Variants in ZNF257 observed in about 807,000 individuals in gnomAD.
ZNF257 encodes the protein zinc finger protein 257.
In ZNF257, 12 loss-of-function variants were observed where a neutral mutation model predicts 11.9. The ratio of observed to expected loss-of-function variants is 1.01; its 90% CI spans 0.65 to 1.63. ZNF257 has a LOEUF of 1.63. Among genes scored for constraint, ZNF257 ranks in the 40% most tolerant of loss-of-function variants. ZNF257 has a pLI of 0.00. For synonymous variants in ZNF257, 183 were observed against 222.7 expected (o/e 0.82, Z 1.59); for missense variants, 580 against 665.5 (o/e 0.87, Z 1.41).
intron 1 of ZNF257, among the ~76,000 whole-genome samples, chr19:22,055,676 ATC>A (rs1273664122): frequency 6.6e-6 from 1 of 152,154 alleles, no homozygotes; most frequent in East Asian, 1.9e-4. Context: ...GGGTGGGAGA[ATC>A]TCTCAAGCGA....
chr19:22,078,013 G>A lies in ZNF257; in HGVS notation c.226+4449G>A, dbSNP rs548048333. On this transcript the variant is annotated intron_variant, in intron 3 of 3. Coordinates refer to ENST00000594947, the MANE Select transcript of ZNF257 (RefSeq NM_033468.4). ...CTAGCACTTTGGGAGGCCAAGGTGG[G>A]CGGATCACAAGGGCAGGAGTTTGAG... Among the ~76,000 whole-genome samples the A allele has an allele frequency of 2.6e-5, 4 of 151,806 alleles. No individual in the cohort carries two copies. The East Asian group carries it at 7.8e-4, about 30-fold the overall frequency.
intron 3 of ZNF257, among the ~76,000 whole-genome samples, chr19:22,077,906 T>G (rs1302888141): frequency 6.6e-6 from 1 of 152,030 alleles, no homozygotes; most frequent in African/African-American, 2.4e-5. Flanking sequence ...TCATTTTCAC[T>G]GCATCATCAA....
At chr19:22,064,731 GT>G (rs2021895439) in intron 1 of ZNF257, among the ~76,000 whole-genome samples, 1 of 152,158 alleles carries the variant, frequency 6.6e-6, no homozygotes, top group Non-Finnish European at 1.5e-5. Context: ...TATGTGTAGT[GT>G]TTGTAGGCAA....
intron 1 of ZNF257, among the ~76,000 whole-genome samples, chr19:22,071,341 G>A (rs568244616): frequency 4.6e-5 from 7 of 152,246 alleles, no homozygotes; most frequent in Admixed American, 4.6e-4. Context: ...TGCAGGTCTT[G>A]GTCCTGCCAG....
chr19:22,059,090 C>T (rs1057195280), intron 1 of ZNF257, among the ~76,000 whole-genome samples: 1 of 152,198 alleles, frequency 6.6e-6, no homozygotes. Context: ...ATCTGTAGCA[C>T]AAACCAGTCC....
intron 3 of ZNF257, 52 bp from the exon 4 acceptor site, chr19:22,087,922 AAAT>A: frequency 7.0e-7 from 1 of 1,425,506 alleles, no homozygotes; most frequent in Non-Finnish European, 9.2e-7. Flanking sequence ...GATTTGTAAA[AAAT>A]ATTTACCTGA....
chr19:22,064,591 G>A (rs1346100233), intron 1 of ZNF257, among the ~76,000 whole-genome samples: 1 of 152,096 alleles, frequency 6.6e-6, no homozygotes, highest in Non-Finnish European at 1.5e-5. Flanking sequence ...ATTGTCCAAG[G>A]TGATTATCTA....
At chr19:22,080,360 C>T (rs1304594878) in intron 3 of ZNF257, among the ~76,000 whole-genome samples, 1 of 152,106 alleles carries the variant, frequency 6.6e-6, no homozygotes, top group Non-Finnish European at 1.5e-5. Context: ...GGGTTGGCAC[C>T]ATCCTCTTTG....
intron 1 of ZNF257, among the ~76,000 whole-genome samples, chr19:22,061,090 C>G (rs772172990): frequency 8.8e-5 from 13 of 147,548 alleles, no homozygotes; most frequent in African/African-American, 1.3e-4. Flanking sequence ...GTAGGATTGC[C>G]TTGGCTATTT....
chr19:22,061,448 G>T (rs1321516282), intron 1 of ZNF257, among the ~76,000 whole-genome samples: 1 of 152,102 alleles, frequency 6.6e-6, no homozygotes, highest in Non-Finnish European at 1.5e-5. Context: ...AGATATTGTT[G>T]ATGTACATGG....
chr19:22,060,502 T>C (rs75458495), intron 1 of ZNF257: 18 of 133,488 alleles, frequency 1.3e-4, no homozygotes, highest in South Asian at 7.0e-4. Flanking sequence ...TTTTTTTTTT[T>C]CCGAGATGGA....
chr19:22,084,522 G>A (rs10426159), intron 3 of ZNF257, among the ~76,000 whole-genome samples: 36,041 of 151,362 alleles, frequency 0.24, 5,897 homozygotes, highest in African/African-American at 0.46. Context: ...TTTTTCAAAA[G>A]TGCAATGAGA....
In ZNF257 at chr19:22,066,055, A is replaced by G. The variant is rs1207513202; in HGVS notation, c.4-6754A>G. The stretch of plus-strand genomic sequence containing the variant: ...TTTTCTGGCTATTTCGATAAATCTT[A>G]TGTCTAATTTGAGTTTTTCTTAAGA... On this transcript the variant is annotated intron_variant, in intron 1 of 3. Transcript: ENST00000594947. The G allele has an allele frequency of 2.0e-5, 3 of 152,260 alleles. No homozygotes were observed. In the East Asian group the frequency reaches 5.8e-4, roughly 29 times the overall value. The allele number at this position is 152,260 out of a possible 1,614,324, so 9.4% of individuals were successfully genotyped here. A position where few individuals can be genotyped will look rare whatever the true frequency, so the allele number is the denominator to read the frequency against.
intron 1 of ZNF257, chr19:22,060,513 G>A (rs1599660181): frequency 1.4e-5 from 2 of 145,226 alleles, no homozygotes; most frequent in African/African-American, 5.2e-5. Flanking sequence ...CCGAGATGGA[G>A]TCTTGCTCTG....
chr19:22,084,140 CA>C (rs373804336), intron 3 of ZNF257, among the ~76,000 whole-genome samples: 270 of 121,764 alleles, frequency 2.2e-3, no homozygotes, highest in Middle Eastern at 4.7e-3. Flanking sequence ...GACTTCATCT[CA>C]AAAAAAAAAA....
intron 1 of ZNF257, among the ~76,000 whole-genome samples, chr19:22,062,721 A>G (rs1303936237): frequency 6.6e-6 from 1 of 152,068 alleles, no homozygotes; most frequent in Non-Finnish European, 1.5e-5. Flanking sequence ...ACCTCAGGTG[A>G]GCTGCCCGCC....
intron 3 of ZNF257, among the ~76,000 whole-genome samples, chr19:22,085,725 A>C (rs895213472): frequency 7.3e-5 from 11 of 151,172 alleles, no homozygotes; most frequent in Admixed American, 1.3e-4. Flanking sequence ...CGCAAACATG[A>C]GTATATACAA....
At chr19:22,058,047 C>G (rs574442518) in intron 1 of ZNF257, among the ~76,000 whole-genome samples, 4 of 152,258 alleles carry the variant, frequency 2.6e-5, no homozygotes, top group African/African-American at 9.6e-5. Context: ...CAGGCATAAG[C>G]CACCGCGCCT....
At chr19:22,059,883 C>A (rs879579393) in intron 1 of ZNF257, among the ~76,000 whole-genome samples, 5 of 137,738 alleles carry the variant, frequency 3.6e-5, no homozygotes, top group Non-Finnish European at 7.6e-5. Flanking sequence ...CCACCACACC[C>A]ACTAATTTTT....
Sources: gnomAD v4.1 joint callset for allele counts (sites outside exome capture counted in the v4.1 genomes callset) on GRCh38, gnomAD v4.1.1 for gene constraint, MANE v1.5 for transcripts, NCBI Gene and HGNC (gene_info 2026-07-23, HGNC 2026-07-21) for gene names.